The following PRDM14 variants were observed in gnomAD, a reference collection of about 807,000 sequenced individuals.
PRDM14 encodes the protein PR/SET domain 14.
A neutral mutation model predicts 48.0 loss-of-function variants in PRDM14; 16 were observed. The observed-to-expected ratio is 0.33, with a 90% confidence interval of 0.23 to 0.51. The LOEUF (loss-of-function observed/expected upper bound fraction) is 0.51. PRDM14 is among the 20% of genes least tolerant of loss of function. The pLI is 0.97. For synonymous variants in PRDM14, 264 were observed against 276.6 expected, an observed-to-expected ratio of 0.95 and a Z score of 0.45; for missense variants, 566 against 719.6, an observed-to-expected ratio of 0.79 and a Z score of 2.44.
chr8:70,068,613 C>T lies in PRDM14; in HGVS notation c.701-81G>A, dbSNP rs1382844124. The T allele has an allele frequency of 3.6e-6, 4 of 1,124,568 alleles. No individual in the cohort carries two copies. The Admixed American group carries it at 7.2e-5, about 20-fold the overall frequency. The allele number at this position is 1,124,568 out of a possible 1,614,324, so 69.7% of individuals were successfully genotyped here. On this transcript the variant is annotated intron_variant, in intron 2 of 7. Coordinates refer to ENST00000276594, the MANE Select transcript of PRDM14 (RefSeq NM_024504.4). The stretch of plus-strand genomic sequence containing the variant: ...TTATGAGGTGTTTCCCTCCTTAATT[C>T]CCTAAAGGTAACCATCATCCCAGTT...
chr8:70,059,782 A>G (rs1272870438), intron 5 of PRDM14, among the ~76,000 whole-genome samples: 1 of 152,180 alleles, frequency 6.6e-6, no homozygotes, highest in Non-Finnish European at 1.5e-5. Context: ...AATCTTTAGA[A>G]GATGACATAT....
At chr8:70,064,469 C>T (rs1478088383) in intron 5 of PRDM14, among the ~76,000 whole-genome samples, 1 of 151,920 alleles carries the variant, frequency 6.6e-6, no homozygotes, top group Non-Finnish European at 1.5e-5. Flanking sequence ...AGGGTTATTT[C>T]CTGCCCTGAA....
chr8:70,055,278 C>A, intron 7 of PRDM14, 22 bp downstream of exon 7: 1 of 1,360,414 alleles, frequency 7.4e-7, no homozygotes, highest in South Asian at 1.2e-5. Flanking sequence ...GGACACATCC[C>A]TTAGTAAGAG....
At chr8:70,061,507 C>G (rs1324115184) in intron 5 of PRDM14, among the ~76,000 whole-genome samples, 1 of 152,162 alleles carries the variant, frequency 6.6e-6, no homozygotes, top group Non-Finnish European at 1.5e-5. Flanking sequence ...GATCCATCGC[C>G]CTGCTCTGTC....
At chr8:70,054,005 A>G (rs1239750937) in intron 7 of PRDM14, among the ~76,000 whole-genome samples, 1 of 152,214 alleles carries the variant, frequency 6.6e-6, no homozygotes, top group African/African-American at 2.4e-5. Flanking sequence ...AATGCAACCT[A>G]GGGAACGGAA....
intron 5 of PRDM14, among the ~76,000 whole-genome samples, chr8:70,063,688 A>G (rs1170389022): frequency 4.0e-5 from 6 of 151,688 alleles, no homozygotes; most frequent in Admixed American, 3.9e-4. Context: ...ACACCCAGCT[A>G]ATTTTTTGTA....
At chr8:70,057,090 C>T (rs562233893) in intron 6 of PRDM14, among the ~76,000 whole-genome samples, 29 of 151,600 alleles carry the variant, frequency 1.9e-4, no homozygotes, top group Non-Finnish European at 3.4e-4. Context: ...CTCAGCCTCC[C>T]GAGTAGGTGG....
intron 2 of PRDM14, 129 bp downstream of exon 2, chr8:70,069,032 A>C: frequency 1.4e-6 from 1 of 711,000 alleles, no homozygotes. Flanking sequence ...CCTGGCTCTC[A>C]TGGAGGTACT....
chr8:70,056,816 C>CAAAAAAAAAAA (rs761330044), intron 6 of PRDM14, among the ~76,000 whole-genome samples: 1 of 75,394 alleles, frequency 1.3e-5, no homozygotes, highest in Non-Finnish European at 2.5e-5. Flanking sequence ...GAGACTGTCT[C>CAAAAAAAAAAA]AAAAAAAAAA....
At chr8:70,057,332 T>A (rs1001420295) in intron 6 of PRDM14, among the ~76,000 whole-genome samples, 15 of 145,122 alleles carry the variant, frequency 1.0e-4, no homozygotes, top group South Asian at 2.2e-4. Flanking sequence ...AAGACAATAT[T>A]TTTTTTTTTT....
At position 70,069,688 on chromosome 8, in the gene PRDM14, G is replaced by A; in HGVS notation, c.173C>T (p.Ala58Val). ...CATGGCGGGGGCAGCAGACGCTGCG[G>A]CCTCCAGCTGCCGGAAAGGTTGGAA... Reference protein sequence around the residue: ...EDFQPFRQLEAAASAAPAMPP... With the variant: ...EDFQPFRQLEVAASAAPAMPP... Residue 58 changes from alanine to valine, a missense_variant, in exon 2 of 8, where the codon GCC becomes GTC. Physicochemically the swap from Ala to Val is moderately conservative, Grantham distance 64. Around this residue, in one of 3 missense-constraint regions of PRDM14, gnomAD observed 410 missense variants for 424.6 expected, o/e 0.97. Coordinates refer to ENST00000276594, the MANE Select transcript of PRDM14 (RefSeq NM_024504.4). The A allele has an allele frequency of 1.9e-6, 3 of 1,554,118 alleles. No homozygotes were observed. The South Asian group carries it at 3.5e-5, about 18-fold the overall frequency.
chr8:70,056,432 C>T (rs1805472559), intron 6 of PRDM14, among the ~76,000 whole-genome samples: 1 of 152,174 alleles, frequency 6.6e-6, no homozygotes, highest in Admixed American at 6.5e-5. Context: ...TCTTTCCAGG[C>T]ATGCTTATGG....
intron 7 of PRDM14, among the ~76,000 whole-genome samples, chr8:70,055,075 G>C (rs1241486579): frequency 6.6e-6 from 1 of 152,186 alleles, no homozygotes; most frequent in African/African-American, 2.4e-5. Flanking sequence ...AATTTGGAAT[G>C]TATTTTATTA....
intron 5 of PRDM14, among the ~76,000 whole-genome samples, chr8:70,064,351 G>T (rs528204974): frequency 6.6e-6 from 1 of 151,278 alleles, no homozygotes; most frequent in Non-Finnish European, 1.5e-5. Context: ...CCTCTTACAC[G>T]TGCCTTATTT....
At position 70,052,184 on chromosome 8, in the gene PRDM14, G is replaced by A. The variant is rs1254551312; in HGVS notation, c.1609C>T (p.Arg537Trp). The change falls in exon 8 of 8, where the codon CGG becomes TGG. Residue 537 changes from arginine (R) to tryptophan (W), a missense_variant. This residue lies in a region of PRDM14 where 126 missense variants were observed against 271.6 expected (regional missense o/e 0.46). Coordinates refer to ENST00000276594, the MANE Select transcript of PRDM14 (RefSeq NM_024504.4). Reference protein sequence around the residue: ...ASHAAHDSHVRRSHKEDDGCS... With the variant: ...ASHAAHDSHVWRSHKEDDGCS... Reference sequence around the variant, plus strand: ...CCATCATCCTCCTTGTGTGAACGCCGGACATGGCTGTCATGGGCAGCATGG... The same window carrying A: ...CCATCATCCTCCTTGTGTGAACGCCAGACATGGCTGTCATGGGCAGCATGG... 6.2e-7 allele frequency: 1 copy of A among 1,613,744 alleles called. No individual in the cohort carries two copies. The highest frequency in any genetic ancestry group is 8.5e-7 in the Non-Finnish European group (1 of 1,179,970).
chr8:70,069,201 G>A lies in PRDM14; in HGVS notation c.660C>T (p.His220=), dbSNP rs1170233218. The A allele has an allele frequency of 6.4e-7, 1 of 1,558,010 alleles. No individual in the cohort carries two copies. Among genetic ancestry groups the A allele is most frequent in the South Asian group, 1.3e-5 (1 of 79,534 alleles). The part of the protein sequence containing the change: ...TPSLEHPASL[H]HAISGLLVPP... ...GGACCAGGAGGCCTGAAATCGCATG[G>A]TGCAGGCTGGCTGGGTGCTCCAGGC... is the stretch of plus-strand genomic sequence containing the variant. Residue 220 remains histidine, a synonymous_variant, in exon 2 of 8, where the codon CAC becomes CAT. Transcript: ENST00000276594.
At chr8:70,065,051 T>C (rs1306202986) in intron 5 of PRDM14, among the ~76,000 whole-genome samples, 2 of 151,900 alleles carry the variant, frequency 1.3e-5, no homozygotes, top group Non-Finnish European at 2.9e-5. Context: ...TACGCCCCGC[T>C]AATTTTTTGT....
chr8:70,059,276 CT>C (rs1306697343), intron 5 of PRDM14, among the ~76,000 whole-genome samples: 274 of 143,166 alleles, frequency 1.9e-3, no homozygotes, highest in African/African-American at 3.5e-3. Context: ...CTTTTCTTTT[CT>C]TTTTTTTTTT....
chr8:70,069,078 T>C, intron 2 of PRDM14, 83 bp downstream of exon 2: 5 of 1,121,586 alleles, frequency 4.5e-6, no homozygotes, highest in Non-Finnish European at 6.2e-6. Flanking sequence ...CAGCTCCACC[T>C]GGAAGCGCCT....
Sources: allele counts gnomAD v4.1 joint callset (sites outside exome capture counted in the v4.1 genomes callset), GRCh38; gene constraint gnomAD v4.1.1; regional missense constraint gnomAD v4.1.1; transcripts MANE v1.5; gene names NCBI Gene and HGNC (gene_info 2026-07-23, HGNC 2026-07-21).